ZNG1B: variants seen among roughly 807,000 people sequenced by gnomAD.
ZNG1B encodes the protein Zn regulated GTPase metalloprotein activator 1B, also known as zinc-regulated GTPase metalloprotein activator 1B.
At chr2:113,454,484 T>C in the ZNG1B span, among the ~76,000 whole-genome samples, 1 of 150,746 alleles carries the variant, frequency 6.6e-6, no homozygotes, top group East Asian at 1.9e-4. Context: ...CTTATTTATT[T>C]AATTTAAAAT....
At chr2:113,443,120 T>C in the ZNG1B span, among the ~76,000 whole-genome samples, 5 of 151,890 alleles carry the variant, frequency 3.3e-5, no homozygotes, top group African/African-American at 9.7e-5. Context: ...AGGCGCCCGC[T>C]ACCACACCTG....
At chr2:113,459,803 C>T in the ZNG1B span, among the ~76,000 whole-genome samples, 3 of 145,054 alleles carry the variant, frequency 2.1e-5, no homozygotes, top group Admixed American at 1.4e-4. Flanking sequence ...GACAGGGAAC[C>T]TCTATTGAGG....
chr2:113,453,267 G>A, the ZNG1B span: 15 of 1,579,202 alleles, frequency 9.5e-6, no homozygotes, highest in Admixed American at 3.8e-5. Context: ...TTTCTGAGAC[G>A]GAGTCTCACT....
At chr2:113,452,343 A>G in the ZNG1B span, among the ~76,000 whole-genome samples, 1 of 152,052 alleles carries the variant, frequency 6.6e-6, no homozygotes, top group Non-Finnish European at 1.5e-5. Context: ...ACAGCTTTAG[A>G]CGTTGGAATG....
chr2:113,476,556 G>A, the ZNG1B span, among the ~76,000 whole-genome samples: 2 of 148,034 alleles, frequency 1.4e-5, no homozygotes, highest in Non-Finnish European at 3.0e-5. Flanking sequence ...TTCGGAGGAG[G>A]AGAGGCGCTG....
At chr2:113,454,670 T>G in the ZNG1B span, 1 of 1,477,296 alleles carries the variant, frequency 6.8e-7, no homozygotes, top group South Asian at 1.2e-5. Flanking sequence ...ATTTTCATTC[T>G]GAAGTATGGT....
chr2:113,443,619 A>T, the ZNG1B span: 1 of 1,231,914 alleles, frequency 8.1e-7, no homozygotes. Context: ...TGTAATTTAG[A>T]TATCGAGGCT....
At chr2:113,463,705 G>A in the ZNG1B span, among the ~76,000 whole-genome samples, 1 of 151,778 alleles carries the variant, frequency 6.6e-6, no homozygotes, top group Non-Finnish European at 1.5e-5. Context: ...AGCCTCCTCT[G>A]TAAAAGGCAT....
the ZNG1B span, among the ~76,000 whole-genome samples, chr2:113,438,743 C>A: frequency 1.1e-4 from 16 of 151,858 alleles, 1 homozygote; most frequent in South Asian, 2.1e-3. Flanking sequence ...ATTTTTAAAC[C>A]TTACAGTTAA....
At chr2:113,444,414 C>T in the ZNG1B span, 2 of 153,742 alleles carry the variant, frequency 1.3e-5, no homozygotes, top group Non-Finnish European at 2.9e-5. Flanking sequence ...GCATCATTTA[C>T]TCCCTTAGGT....
At chr2:113,492,360 G>A in the ZNG1B span, among the ~76,000 whole-genome samples, 2 of 126,992 alleles carry the variant, frequency 1.6e-5, no homozygotes, top group Non-Finnish European at 1.7e-5. Flanking sequence ...GATAAGATTG[G>A]AGACTATTAT....
chr2:113,477,007 A>C, the ZNG1B span, among the ~76,000 whole-genome samples: 9 of 152,334 alleles, frequency 5.9e-5, no homozygotes, highest in African/African-American at 2.2e-4. Flanking sequence ...TGGAGCCTAC[A>C]GAGGCAGGCA....
At chr2:113,470,153 AG>A in the ZNG1B span, 1 of 151,362 alleles carries the variant, frequency 6.6e-6, no homozygotes, top group Non-Finnish European at 1.5e-5. Flanking sequence ...CACCACACCC[AG>A]CTAATTTTTG....
the ZNG1B span, among the ~76,000 whole-genome samples, chr2:113,446,759 C>CGCACAT: frequency 2.2e-5 from 3 of 135,030 alleles, no homozygotes; most frequent in Non-Finnish European, 4.7e-5. Flanking sequence ...CACACACACA[C>CGCACAT]GCACATGCAC....
chr2:113,459,678 A>G, the ZNG1B span, among the ~76,000 whole-genome samples: 1 of 151,854 alleles, frequency 6.6e-6, no homozygotes, highest in South Asian at 2.1e-4. Flanking sequence ...AGAAAAATGT[A>G]TATAATTTAT....
chr2:113,468,552 T>G, the ZNG1B span: 1 of 145,820 alleles, frequency 6.9e-6, no homozygotes, highest in East Asian at 2.0e-4. Context: ...GCTTTTTCTT[T>G]CCCTTTTTTG....
the ZNG1B span, chr2:113,438,943 G>T: frequency 1.3e-6 from 2 of 1,533,390 alleles, no homozygotes; most frequent in Non-Finnish European, 8.8e-7. Flanking sequence ...AAAAAACTTT[G>T]TAGACTGTAA....
chr2:113,452,071 C>G, the ZNG1B span, among the ~76,000 whole-genome samples: 66 of 152,208 alleles, frequency 4.3e-4, no homozygotes, highest in African/African-American at 1.5e-3. Flanking sequence ...CTCTCCAGTT[C>G]TAAGTTAAAT....
At chr2:113,463,726 A>G in the ZNG1B span, among the ~76,000 whole-genome samples, 2 of 151,766 alleles carry the variant, frequency 1.3e-5, no homozygotes, top group South Asian at 2.1e-4. Flanking sequence ...AATGCCTATC[A>G]TAAGTTTGCT....
Sources: allele counts gnomAD v4.1 joint callset (sites outside exome capture counted in the v4.1 genomes callset), GRCh38; gene constraint gnomAD v4.1.1; transcripts MANE v1.5; gene names NCBI Gene and HGNC (gene_info 2026-07-23, HGNC 2026-07-21).